The following LYAR variants were observed in gnomAD, a reference collection of about 807,000 sequenced individuals.
The protein encoded by LYAR is cell growth-regulating nucleolar protein.
In LYAR, 37 loss-of-function variants were observed where a neutral mutation model predicts 45.2. The ratio of observed to expected loss-of-function variants is 0.82; its 90% confidence interval spans 0.63 to 1.08. LYAR has a LOEUF of 1.08. Ranked by LOEUF, LYAR falls within the 50% of genes least tolerant of loss-of-function variation. LYAR has a pLI of 0.00. For missense variants in LYAR, 493 were observed against 451.0 expected, an observed-to-expected ratio of 1.09 and a Z score of -0.84; for synonymous variants, 176 against 155.1, an observed-to-expected ratio of 1.14 and a Z score of -1.00.
intron 1 of LYAR, chr4:4,289,689 C>T (rs538777904): frequency 8.5e-5 from 13 of 152,378 alleles, no homozygotes; most frequent in African/African-American, 2.4e-5. Context: ...TGGACCGCTA[C>T]ATCCTAAGGC....
At chr4:4,277,908 T>C (rs1478499806) in intron 6 of LYAR, among the ~76,000 whole-genome samples, 1 of 152,174 alleles carries the variant, frequency 6.6e-6, no homozygotes, top group African/African-American at 2.4e-5. Context: ...ACACAGGGTA[T>C]GCTGGGAGGG....
chr4:4,268,069 T>C (rs1383195915), intron 9 of LYAR, 46 bp from the exon 10 acceptor site: 1 of 1,486,412 alleles, frequency 6.7e-7, no homozygotes, highest in Admixed American at 2.3e-5. Flanking sequence ...CCTGGAAAAT[T>C]ATCTTAAAAT....
intron 6 of LYAR, among the ~76,000 whole-genome samples, chr4:4,277,386 CA>C (rs1719224883): frequency 6.6e-6 from 1 of 152,128 alleles, no homozygotes; most frequent in Non-Finnish European, 1.5e-5. Flanking sequence ...GAGACCCTGG[CA>C]TCCCTTCTAC....
intron 4 of LYAR, among the ~76,000 whole-genome samples, chr4:4,281,067 T>C (rs56899281): frequency 0.039 from 5,903 of 152,264 alleles, 363 homozygotes; most frequent in African/African-American, 0.13. Context: ...AAGTAGAAAA[T>C]TCTCTGCATT....
At chr4:4,278,778 T>C (rs1163147866) in intron 6 of LYAR, among the ~76,000 whole-genome samples, 1 of 152,212 alleles carries the variant, frequency 6.6e-6, no homozygotes, top group East Asian at 1.9e-4. Context: ...GGCTAAATAA[T>C]GTGCCTAAGA....
intron 6 of LYAR, among the ~76,000 whole-genome samples, chr4:4,277,712 C>T (rs35860895): frequency 0.013 from 1,992 of 152,330 alleles, 35 homozygotes; most frequent in African/African-American, 0.045. Context: ...CTATCTCCCC[C>T]ACTAGAACAC....
Position 4,268,706 on chromosome 4 carries a change from C to A in LYAR, c.920-91G>T, listed in dbSNP as rs1220277602. The A allele has an allele frequency of 4.2e-5, 33 of 780,958 alleles. 1 individual carries two copies. The East Asian group carries it at 8.1e-4, about 19-fold the overall frequency. 48.4% of individuals were successfully genotyped at this position (780,958 alleles called of 1,614,324 possible). ...AACTTCTGCAACACCTATTTGCTTC[C>A]CAGGAAATGAGCTAACCCTCTAATG... On this transcript the variant is annotated intron_variant, in intron 8 of 9. Coordinates refer to ENST00000343470, the MANE Select transcript of LYAR (RefSeq NM_017816.3).
Position 4,282,267 on chromosome 4 carries a change from T to C in LYAR, c.123-370A>G, listed in dbSNP as rs1469687816. On this transcript the variant is annotated intron_variant, in intron 3 of 9. Transcript: ENST00000343470. ...AAAAATCTCAATGTCTAATAGACAG[T>C]CAATAATTAGTTGTAGAATAAATCA... 2.0e-5 allele frequency among the ~76,000 whole-genome samples: 3 copies of C among 152,168 alleles called. No individual in the cohort carries two copies. The East Asian group carries it at 5.8e-4, about 29-fold the overall frequency.
intron 9 of LYAR, 28 bp downstream of exon 9, chr4:4,268,502 G>A: frequency 7.2e-7 from 1 of 1,392,142 alleles, no homozygotes; most frequent in South Asian, 1.2e-5. Flanking sequence ...CCAGCTGTTA[G>A]ACACGTGGGT....
chr4:4,276,522 G>C (rs368498470), intron 6 of LYAR, among the ~76,000 whole-genome samples: 3 of 145,434 alleles, frequency 2.1e-5, no homozygotes, highest in African/African-American at 7.9e-5. Flanking sequence ...CAGCCTGGGT[G>C]ACAAGAATGA....
Position 4,283,695 on chromosome 4 carries a change from T to A in LYAR, c.48A>T (p.Ile16=). The A allele has an allele frequency of 6.2e-7, 1 of 1,612,862 alleles. No individual in the cohort carries two copies. The change falls in exon 3 of 10, where the codon ATA becomes ATT. Residue 16 remains isoleucine (I), a synonymous_variant. Transcript: ENST00000343470. ...AAACAGACACATGCTTTTCCACTTG[T>A]ATTTTCTTCACTGATTCACCACATG... The part of the protein sequence containing the change: ...CNACGESVKK[I]QVEKHVSVCR...
At chr4:4,274,256 A>G in intron 7 of LYAR, 111 bp downstream of exon 7, 1 of 1,229,706 alleles carries the variant, frequency 8.1e-7, no homozygotes, top group Non-Finnish European at 1.1e-6. Context: ...AAAAAAAAAA[A>G]AAACCACACA....
intron 8 of LYAR, 108 bp downstream of exon 8, chr4:4,273,475 C>T: frequency 2.7e-6 from 2 of 727,620 alleles, no homozygotes; most frequent in South Asian, 1.7e-5. Flanking sequence ...TACAGCCTCA[C>T]ACTCCTGAGC....
chr4:4,283,583 G>A (rs1156469168), intron 3 of LYAR, 38 bp downstream of exon 3: 2 of 1,589,516 alleles, frequency 1.3e-6, no homozygotes, highest in Non-Finnish European at 8.6e-7. Context: ...AACTGATCTG[G>A]ATTTACTATG....
chr4:4,273,239 G>A (rs1274013861), intron 8 of LYAR, among the ~76,000 whole-genome samples: 2 of 152,166 alleles, frequency 1.3e-5, no homozygotes, highest in African/African-American at 2.4e-5. Context: ...CAGTGGGTGA[G>A]AGGCACTGTA....
chr4:4,273,523 G>A (rs1338419175), intron 8 of LYAR, 60 bp downstream of exon 8: 1 of 1,251,618 alleles, frequency 8.0e-7, no homozygotes, highest in Admixed American at 1.8e-5. Flanking sequence ...GAAGTAGCTG[G>A]GACTATCAGC....
In LYAR at chr4:4,274,677, C is replaced by T. The variant is rs780664732; in HGVS notation, c.522G>A (p.Val174=). The T allele has an allele frequency of 1.2e-6, 2 of 1,614,110 alleles. No individual in the cohort carries two copies. Among genetic ancestry groups the T allele is most frequent in the Admixed American group, 1.7e-5 (1 of 60,014 alleles). Residue 174 remains valine (V), a synonymous_variant, in exon 7 of 10, where the codon GTG becomes GTA. Coordinates refer to ENST00000343470, the MANE Select transcript of LYAR (RefSeq NM_017816.3). ...CCCCTTGCTGTTCCACGGCGTCTTT[C>T]ACTTTGGAGGCTGGAACCTTGGTGG... ...EISTKVPASK[V]KDAVEQQGEV... is the part of the protein sequence containing the mutation.
chr4:4,269,428 C>T (rs1027228691), intron 8 of LYAR, among the ~76,000 whole-genome samples: 3 of 152,186 alleles, frequency 2.0e-5, no homozygotes, highest in Non-Finnish European at 4.4e-5. Context: ...GAGTTCTCTA[C>T]CCTCGCAAGG....
At position 4,283,738 on chromosome 4, in the gene LYAR, A is replaced by G. The variant is rs1329884636; in HGVS notation, c.5T>C (p.Val2Ala). Residue 2 changes from valine (V) to alanine (A), a missense_variant, in exon 3 of 10, where the codon GTA becomes GCA. By Grantham distance (64) the Val-to-Ala change is moderately conservative. Transcript: ENST00000343470. M[V>A]FFTCNACGES... is the part of the protein sequence containing the mutation. ...ACCACATGCATTGCATGTAAAAAAT[A>G]CCATTTTTAGGTAAATGGCTAAATA... is the stretch of plus-strand genomic sequence containing the variant. 4 of 1,609,610 alleles carry G rather than the reference A, an allele frequency of 2.5e-6. No homozygotes were observed. The highest frequency in any genetic ancestry group is 3.4e-6 in the Non-Finnish European group (4 of 1,178,646).
Sources: gnomAD v4.1 joint callset for allele counts (sites outside exome capture counted in the v4.1 genomes callset) on GRCh38, gnomAD v4.1.1 for gene constraint, MANE v1.5 for transcripts, NCBI Gene and HGNC (gene_info 2026-07-23, HGNC 2026-07-21) for gene names.